ZNF831: variants seen among roughly 807,000 people sequenced by gnomAD.
ZNF831 encodes the protein chromosome 20 open reading frame 174.
A neutral mutation model predicts 95.8 loss-of-function variants in ZNF831; 59 were observed. The observed-to-expected ratio is 0.62, with a 90% CI of 0.50 to 0.77. ZNF831 has a LOEUF of 0.77. Among genes scored for constraint, ZNF831 ranks in the 30% least tolerant of loss-of-function variants. The pLI is 0.00. For missense variants in ZNF831, 2,205 were observed against 2,164.0 expected (o/e 1.02, Z -0.38); for synonymous variants, 961 against 925.5 (o/e 1.04, Z -0.70).
intron 2 of ZNF831, among the ~76,000 whole-genome samples, chr20:59,154,728 G>T (rs1980435629): frequency 6.6e-6 from 1 of 152,198 alleles, no homozygotes; most frequent in African/African-American, 2.4e-5. Flanking sequence ...CCTTCTGCTG[G>T]TTTCTGCATT....
chr20:59,154,326 G>A (rs1267204131), intron 2 of ZNF831, among the ~76,000 whole-genome samples: 1 of 152,160 alleles, frequency 6.6e-6, no homozygotes, highest in Non-Finnish European at 1.5e-5. Flanking sequence ...CCACGTAGAA[G>A]GTACACATAA....
At chr20:59,229,182 C>T (rs1286263642) in intron 4 of ZNF831, among the ~76,000 whole-genome samples, 2 of 152,316 alleles carry the variant, frequency 1.3e-5, no homozygotes, top group Admixed American at 1.3e-4. Flanking sequence ...TGTATACATA[C>T]CACATTTTCT....
intron 2 of ZNF831, among the ~76,000 whole-genome samples, chr20:59,148,279 G>T (rs1240284218): frequency 6.6e-6 from 1 of 152,152 alleles, no homozygotes; most frequent in Admixed American, 6.5e-5. Context: ...TCTCTGTTGA[G>T]GGGGGATATC....
At chr20:59,153,716 G>A (rs1417520338) in intron 2 of ZNF831, among the ~76,000 whole-genome samples, 2 of 151,798 alleles carry the variant, frequency 1.3e-5, no homozygotes, top group Non-Finnish European at 3.0e-5. Flanking sequence ...GTCTTGGAGA[G>A]GGAATTACTG....
chr20:59,190,379 A>C (rs1983405437), intron 1 of ZNF831, among the ~76,000 whole-genome samples: 1 of 152,220 alleles, frequency 6.6e-6, no homozygotes, highest in Non-Finnish European at 1.5e-5. Context: ...TTGTTTATCA[A>C]ATTTAACTGG....
chr20:59,174,540 C>G (rs1406680939), intron 1 of ZNF831, among the ~76,000 whole-genome samples: 1 of 152,108 alleles, frequency 6.6e-6, no homozygotes, highest in Non-Finnish European at 1.5e-5. Flanking sequence ...ATTTTTGTTT[C>G]AGCCACCAAA....
intron 1 of ZNF831, among the ~76,000 whole-genome samples, chr20:59,168,672 T>G (rs1224252390): frequency 6.6e-6 from 1 of 152,144 alleles, no homozygotes; most frequent in African/African-American, 2.4e-5. Context: ...TTTCCTGATC[T>G]TAGGGAGAAA....
At position 59,254,917 on chromosome 20, in the gene ZNF831, G is replaced by A. The variant is rs1379743791; in HGVS notation, c.*174G>A. On this transcript the variant is annotated 3_prime_UTR_variant, in exon 6 of 6. Coordinates refer to ENST00000371030, the MANE Select transcript of ZNF831 (RefSeq NM_178457.3). The surrounding 1 kb of genome is among the most constrained non-coding windows in gnomAD (Gnocchi z 4.5). ...CCAACTTCTGACCCCCAACTCAGCC[G>A]CAGCGTTCCCCAGCTCCCCTTGGGA... 19 of 821,274 alleles carry A rather than the reference G, an allele frequency of 2.3e-5. No individual in the cohort carries two copies. Among genetic ancestry groups the A allele is most frequent in the South Asian group, 1.4e-4 (7 of 51,572 alleles). The allele number at this position is 821,274 out of a possible 1,614,324, so 50.9% of individuals were successfully genotyped here. A position where few individuals can be genotyped will look rare whatever the true frequency, so the allele number is the denominator to read the frequency against.
intron 1 of ZNF831, among the ~76,000 whole-genome samples, chr20:59,145,115 A>G (rs1979802400): frequency 6.6e-6 from 1 of 152,230 alleles, no homozygotes; most frequent in Admixed American, 6.5e-5. Context: ...CCACAGTCTC[A>G]TGTTCATTGA....
At chr20:59,179,594 G>A (rs1982446111) in intron 1 of ZNF831, among the ~76,000 whole-genome samples, 1 of 152,032 alleles carries the variant, frequency 6.6e-6, no homozygotes, top group Non-Finnish European at 1.5e-5. Flanking sequence ...TCAGTTCCTG[G>A]TGGCTCCAGG....
chr20:59,191,600 A>G lies in ZNF831; in HGVS notation c.581A>G (p.Gln194Arg), dbSNP rs2146550392. The change falls in exon 2 of 6, where the codon CAG becomes CGG. Residue 194 changes from glutamine to arginine, a missense_variant. Gln to Arg is a conservative substitution (Grantham distance 43, BLOSUM62 1). Coordinates refer to ENST00000371030, the MANE Select transcript of ZNF831 (RefSeq NM_178457.3). Reference protein sequence around the residue: ...QSNLYKHRRTQTHLNNSRLSS... With the variant: ...QSNLYKHRRTRTHLNNSRLSS... Reference sequence around the variant, plus strand: ...AATCTCTACAAGCACAGGCGGACGCAGACGCACCTCAACAACTCCCGGCTG... The same window carrying G: ...AATCTCTACAAGCACAGGCGGACGCGGACGCACCTCAACAACTCCCGGCTG... The G allele has an allele frequency of 6.3e-7, 1 of 1,599,320 alleles. No homozygotes were observed. The highest frequency in any genetic ancestry group is 8.5e-7 in the Non-Finnish European group (1 of 1,171,706).
intron 2 of ZNF831, among the ~76,000 whole-genome samples, chr20:59,155,900 G>A (rs939334317): frequency 6.6e-6 from 1 of 152,048 alleles, no homozygotes; most frequent in Admixed American, 6.6e-5. Context: ...GAAGGAGTAG[G>A]GTCCACCCAA....
intron 4 of ZNF831, among the ~76,000 whole-genome samples, chr20:59,216,735 G>A (rs1029703269): frequency 2.6e-5 from 4 of 152,164 alleles, no homozygotes; most frequent in Non-Finnish European, 5.9e-5. Context: ...TACAGTGGAG[G>A]CTCACAGGAC....
rs1983655107 is a variant in ZNF831, at chr20:59,192,418, C to G, written c.1399C>G (p.Pro467Ala). The change falls in exon 2 of 6, where the codon CCG becomes GCG. Residue 467 changes from proline (P) to alanine (A), a missense_variant. Pro to Ala is a conservative substitution (Grantham distance 27). Transcript: ENST00000371030. The surrounding 1 kb of genome is among the most constrained non-coding windows in gnomAD (Gnocchi z 5.2). ...RALEPGRRRA[P>A]GPVRSTWTPP... Reference sequence around the variant, plus strand: ...GCTGGAGCCAGGCCGTAGGAGGGCCCCGGGCCCCGTGCGCTCCACCTGGAC... The same window carrying G: ...GCTGGAGCCAGGCCGTAGGAGGGCCGCGGGCCCCGTGCGCTCCACCTGGAC... 2 of 1,611,430 alleles carry G rather than the reference C, an allele frequency of 1.2e-6. No individual in the cohort carries two copies. Among genetic ancestry groups the G allele is most frequent in the Non-Finnish European group, 1.7e-6 (2 of 1,179,166 alleles).
chr20:59,142,028 T>C (rs1216134147), intron 1 of ZNF831, among the ~76,000 whole-genome samples: 1 of 152,102 alleles, frequency 6.6e-6, no homozygotes, highest in Non-Finnish European at 1.5e-5. Flanking sequence ...GGCTTAGTGG[T>C]GTCTGTGTGG....
chr20:59,188,502 C>CA (rs1237233719), intron 1 of ZNF831, among the ~76,000 whole-genome samples: 4 of 151,928 alleles, frequency 2.6e-5, no homozygotes, highest in African/African-American at 9.7e-5. Context: ...TGGGTTGTTA[C>CA]AAAAATTATC....
chr20:59,207,258 C>T (rs6015452), intron 4 of ZNF831, among the ~76,000 whole-genome samples: 6,063 of 152,258 alleles, frequency 0.04, 194 homozygotes, highest in African/African-American at 0.085. Flanking sequence ...TGGTAGAAGA[C>T]GGAGAATTCA....
intron 4 of ZNF831, among the ~76,000 whole-genome samples, chr20:59,234,713 G>A (rs1002487257): frequency 6.6e-6 from 1 of 152,156 alleles, no homozygotes; most frequent in African/African-American, 2.4e-5. Flanking sequence ...CAAGAGAAAG[G>A]AGTTTTCATG....
At chr20:59,247,878 C>T (rs1223564116) in intron 4 of ZNF831, among the ~76,000 whole-genome samples, 1 of 152,124 alleles carries the variant, frequency 6.6e-6, no homozygotes, top group Non-Finnish European at 1.5e-5. Context: ...TTTAATAAGG[C>T]CTAGACATTA....
Sources: gnomAD v4.1 joint callset for allele counts (sites outside exome capture counted in the v4.1 genomes callset) on GRCh38, gnomAD v4.1.1 for gene constraint, Gnocchi (gnomAD v3.1) non-coding constraint, MANE v1.5 for transcripts, NCBI Gene and HGNC (gene_info 2026-07-23, HGNC 2026-07-21) for gene names.